The following SYDE2 variants were observed in gnomAD, a reference collection of about 807,000 sequenced individuals.
SYDE2 encodes synapse defective Rho GTPase homolog 2, also known as rho GTPase-activating protein SYDE2.
Under a neutral mutation model 91.5 loss-of-function variants are expected in SYDE2, and 76 were observed. The ratio of observed to expected loss-of-function variants is 0.83; its 90% CI spans 0.69 to 1.01. The LOEUF is 1.01. Ranked by LOEUF, SYDE2 falls within the 50% of genes least tolerant of loss-of-function variation. SYDE2 has a pLI of 0.00. For synonymous variants in SYDE2, 513 were observed against 506.4 expected (o/e 1.01, Z -0.18); for missense variants, 1,364 against 1,367.7 (o/e 1.00, Z 0.04).
rs1464777248 is a variant in SYDE2, at chr1:85,157,144, T to C, written c.*1606A>G. ...TGTCTGTTTATCAATATTTATTGCA[T>C]AGAAATATTTTAAGTACTTTAATAT... On this transcript the variant is annotated 3_prime_UTR_variant, in exon 7 of 7. Transcript: ENST00000341460. 5 of 152,062 alleles carry C rather than the reference T, an allele frequency of 3.3e-5. No homozygotes were observed. Among genetic ancestry groups the C allele is most frequent in the East Asian group, 1.9e-4 (1 of 5,208 alleles). 9.4% of individuals were successfully genotyped at this position (152,062 alleles called of 1,614,324 possible).
intron 6 of SYDE2, among the ~76,000 whole-genome samples, chr1:85,162,668 AAC>A (rs1472849048): frequency 1.3e-5 from 2 of 152,222 alleles, no homozygotes; most frequent in Non-Finnish European, 2.9e-5. Flanking sequence ...CTTTTTCTAT[AAC>A]ACAAGATATA....
chr1:85,190,249 G>A lies in SYDE2; in HGVS notation c.1249C>T (p.Arg417Trp), dbSNP rs768151964. 7.4e-6 allele frequency: 12 copies of A among 1,613,736 alleles called. No homozygotes were observed. The highest frequency in any genetic ancestry group is 1.0e-5 in the Non-Finnish European group (12 of 1,179,860). The change falls in exon 2 of 7, where the codon CGG becomes TGG. Residue 417 changes from arginine (R) to tryptophan (W), a missense_variant. By Grantham distance (101) the Arg-to-Trp change is moderately radical (BLOSUM62 -3). Transcript: ENST00000341460. Reference protein sequence around the residue: ...LSGSDLMKAERHTEDSLCSSE... With the variant: ...LSGSDLMKAEWHTEDSLCSSE... ...GAGCACAGTGAGTCTTCAGTATGCC[G>A]CTCTGCTTTCATCAGGTCACTGCCA...
At chr1:85,186,419 C>T (rs927386493) in intron 2 of SYDE2, among the ~76,000 whole-genome samples, 2 of 152,038 alleles carry the variant, frequency 1.3e-5, no homozygotes, top group Admixed American at 6.6e-5. Flanking sequence ...GTGAATCCAT[C>T]GTGAAAATGG....
At chr1:85,189,131 A>C (rs1469973277) in intron 2 of SYDE2, among the ~76,000 whole-genome samples, 3 of 152,196 alleles carry the variant, frequency 2.0e-5, no homozygotes, top group African/African-American at 7.2e-5. Context: ...AAATGGGTCA[A>C]CCTAATATAC....
rs754257842 is a variant in SYDE2 at position 85,182,896 on chromosome 1, G to A, written c.1746C>T (p.Thr582=). The A allele has an allele frequency of 3.0e-5, 48 of 1,613,632 alleles. 1 individual carries two copies. In the South Asian group the frequency reaches 3.8e-4, roughly 13 times the overall value. Residue 582 remains threonine (T), a synonymous_variant, in exon 3 of 7, where the codon ACC becomes ACT. Transcript: ENST00000341460. ...TDILPSGNTT[T]AAKRNVISRY... Reference sequence around the variant, plus strand: ...GGCTTATAACATTCCTCTTAGCAGCGGTGGTTGTGTTCCCAGAGGGCAGAA... The same window carrying A: ...GGCTTATAACATTCCTCTTAGCAGCAGTGGTTGTGTTCCCAGAGGGCAGAA...
chr1:85,161,083 C>G, intron 6 of SYDE2: 1 of 985,016 alleles, frequency 1.0e-6, no homozygotes, highest in Non-Finnish European at 1.2e-6. Flanking sequence ...CTCAAAAGTT[C>G]TGGTTTTCCC....
At position 85,158,817 on chromosome 1, in the gene SYDE2, C is replaced by T; in HGVS notation, c.3518G>A (p.Ser1173Asn). 1 of 772,528 alleles carries T rather than the reference C, an allele frequency of 1.3e-6. No individual in the cohort carries two copies. The allele number at this position is 772,528 out of a possible 1,614,324, so 47.9% of individuals were successfully genotyped here. The change falls in exon 7 of 7, where the codon AGT becomes AAT. Residue 1173 changes from serine (S) to asparagine (N), a missense_variant. Coordinates refer to ENST00000341460, the MANE Select transcript of SYDE2 (RefSeq NM_032184.2). ...CAGATTTCCAATCAAAGTATCAATA[C>T]TTTCTTGTAGATCTTTGAGATTGTT... ...RKNNLKDLQESIDTLIGNLER... is the reference protein window; with the variant it reads ...RKNNLKDLQENIDTLIGNLER...
At chr1:85,171,126 A>G (rs1329984402) in intron 4 of SYDE2, among the ~76,000 whole-genome samples, 1 of 152,148 alleles carries the variant, frequency 6.6e-6, no homozygotes, top group Non-Finnish European at 1.5e-5. Context: ...TTTTGAACAT[A>G]TGGAGCTTAA....
chr1:85,189,036 G>A (rs555637220), intron 2 of SYDE2, among the ~76,000 whole-genome samples: 50 of 152,206 alleles, frequency 3.3e-4, no homozygotes, highest in Middle Eastern at 3.4e-3. Context: ...TGTTTCCTGG[G>A]TAGTGTGTCT....
At position 85,182,553 on chromosome 1, in the gene SYDE2, T is replaced by C. The variant is rs1352699371; in HGVS notation, c.2089A>G (p.Ile697Val). 1.9e-6 allele frequency: 3 copies of C among 1,613,798 alleles called. No homozygotes were observed. In the South Asian group the frequency reaches 3.3e-5, roughly 18 times the overall value. ...YGAEDLKPPR[I>V]DSKDVFCAIQ... ...GCACAAAAGACGTCTTTTGAATCTATCCGAGGTGGTTTTAAATCCTCAGCA... is the reference window on the plus strand; with the variant it reads ...GCACAAAAGACGTCTTTTGAATCTACCCGAGGTGGTTTTAAATCCTCAGCA... Residue 697 changes from isoleucine (I) to valine (V), a missense_variant, in exon 3 of 7, where the codon ATA becomes GTA. Coordinates refer to ENST00000341460, the MANE Select transcript of SYDE2 (RefSeq NM_032184.2).
At chr1:85,195,243 CCTTA>C (rs1282059819) in intron 1 of SYDE2, among the ~76,000 whole-genome samples, 2 of 151,818 alleles carry the variant, frequency 1.3e-5, no homozygotes, top group East Asian at 1.9e-4. Flanking sequence ...TCTTGCTTTT[CCTTA>C]CTTCTCTTTA....
At position 85,159,160 on chromosome 1, in the gene SYDE2, G is replaced by A; in HGVS notation, c.3175C>T (p.Pro1059Ser). The part of the protein sequence containing the change: ...LNYLRQKKER[P>S]HMLNLSGTDS... Reference sequence around the variant, plus strand: ...GTACCACTCAAATTTAACATATGAGGTCGTTCTTTCTTCTGCCTCAGATAA... The same window carrying A: ...GTACCACTCAAATTTAACATATGAGATCGTTCTTTCTTCTGCCTCAGATAA... Residue 1059 changes from proline to serine, a missense_variant, in exon 7 of 7, where the codon CCT becomes TCT. Coordinates refer to ENST00000341460, the MANE Select transcript of SYDE2 (RefSeq NM_032184.2). 1.3e-6 allele frequency: 1 copy of A among 780,782 alleles called. No individual in the cohort carries two copies. Among genetic ancestry groups the A allele is most frequent in the Non-Finnish European group, 2.4e-6 (1 of 417,970 alleles). The allele number at this position is 780,782 out of a possible 1,614,324, so 48.4% of individuals were successfully genotyped here. A position where few individuals can be genotyped will look rare whatever the true frequency, so the allele number is the denominator to read the frequency against.
Position 85,160,385 on chromosome 1 carries a change from A to G in SYDE2, c.3086-1136T>C, listed in dbSNP as rs911337333. The G allele has an allele frequency of 3.4e-6, 3 of 879,134 alleles. No individual in the cohort carries two copies. In the African/African-American group the frequency reaches 5.5e-5, roughly 16 times the overall value. The allele number at this position is 879,134 out of a possible 1,614,324, so 54.5% of individuals were successfully genotyped here. On this transcript the variant is annotated intron_variant, in intron 6 of 6. Coordinates refer to ENST00000341460, the MANE Select transcript of SYDE2 (RefSeq NM_032184.2). ...AATTTAGATTTTATTGAAATATTTG[A>G]TAACTGTACACAGGTATGTTTTTAA...
chr1:85,188,209 A>C (rs1658228195), intron 2 of SYDE2, among the ~76,000 whole-genome samples: 3 of 152,114 alleles, frequency 2.0e-5, no homozygotes, highest in Non-Finnish European at 4.4e-5. Flanking sequence ...TCTGCATTCC[A>C]AATTACTATT....
chr1:85,178,223 A>C lies in SYDE2; in HGVS notation c.2594T>G (p.Leu865Arg). 1 of 1,584,586 alleles carries C rather than the reference A, an allele frequency of 6.3e-7. No individual in the cohort carries two copies. The highest frequency in any genetic ancestry group is 1.3e-5 in the African/African-American group (1 of 74,466). Residue 865 changes from leucine to arginine, a missense_variant, in exon 4 of 7, where the codon CTG (leucine) becomes CGG (arginine). Physicochemically the swap from Leu to Arg is moderately radical, Grantham distance 102. Transcript: ENST00000341460. ...GCTATCTCTCTCAAAAGCCTCTCGC[A>C]GTTCTTTCTTGACTGCTGCCGAACC... ...LCGSAAVKKE[L>R]REAFERDSKA...
At chr1:85,189,829 T>C (rs1347156383) in intron 2 of SYDE2, among the ~76,000 whole-genome samples, 1 of 152,150 alleles carries the variant, frequency 6.6e-6, no homozygotes, top group Non-Finnish European at 1.5e-5. Flanking sequence ...AGTGAGACCC[T>C]TTCTCAAAAA....
At chr1:85,177,382 C>T (rs189158339) in intron 4 of SYDE2, among the ~76,000 whole-genome samples, 63 of 152,282 alleles carry the variant, frequency 4.1e-4, no homozygotes, top group Non-Finnish European at 7.6e-4. Flanking sequence ...GCTTGATCTA[C>T]CCATTTAGAT....
chr1:85,160,868 G>A (rs764902499), intron 6 of SYDE2: 34 of 985,136 alleles, frequency 3.5e-5, no homozygotes, highest in South Asian at 4.7e-5. Context: ...GTTGCCAGTC[G>A]CTTAGAGTTA....
Position 85,158,600 on chromosome 1 carries a change from T to C in SYDE2, c.*150A>G, listed in dbSNP as rs1656943596. Reference sequence around the variant, plus strand: ...GATAAGTAAAAATTGTATTAATGAATAGTGTTTTTAATTGAATCAGATAAA... The same window carrying C: ...GATAAGTAAAAATTGTATTAATGAACAGTGTTTTTAATTGAATCAGATAAA... On this transcript the variant is annotated 3_prime_UTR_variant, in exon 7 of 7. Transcript: ENST00000341460. The C allele has an allele frequency of 3.7e-6, 2 of 534,084 alleles. No individual in the cohort carries two copies. The highest frequency in any genetic ancestry group is 2.9e-5 in the South Asian group (1 of 34,008). 33.1% of individuals were successfully genotyped at this position (534,084 alleles called of 1,614,324 possible).
Sources: gnomAD v4.1 joint callset for allele counts (sites outside exome capture counted in the v4.1 genomes callset) on GRCh38, gnomAD v4.1.1 for gene constraint, MANE v1.5 for transcripts, NCBI Gene and HGNC (gene_info 2026-07-23, HGNC 2026-07-21) for gene names.